Variants in POLQ observed in about 807,000 individuals in gnomAD.
The protein encoded by POLQ is epididymis secretory sperm binding protein.
POLQ carries 233 observed loss-of-function variants against 259.2 expected under a neutral mutation model. The observed-to-expected ratio is 0.90, with a 90% confidence interval of 0.81 to 1.00. The LOEUF is 1.00. Among genes scored for constraint, POLQ ranks in the 50% least tolerant of loss-of-function variants. POLQ has a pLI of 0.00. For synonymous variants in POLQ, 1,025 were observed against 1,048.8 expected (o/e 0.98, Z 0.44); for missense variants, 2,871 against 3,051.6 (o/e 0.94, Z 1.39).
At chr3:121,543,025 A>G (rs749341825) in intron 2 of POLQ, among the ~76,000 whole-genome samples, 1 of 152,120 alleles carries the variant, frequency 6.6e-6, no homozygotes, top group Non-Finnish European at 1.5e-5. Flanking sequence ...GCAGGGCAAG[A>G]TCAGAGGAAA....
chr3:121,449,556 G>T, intron 25 of POLQ, 130 bp from the exon 26 acceptor site: 1 of 673,854 alleles, frequency 1.5e-6, no homozygotes, highest in East Asian at 2.5e-5. Context: ...ATTGCTTTTG[G>T]TGGGTTACAT....
At chr3:121,496,411 G>A (rs1293123016) in intron 14 of POLQ, among the ~76,000 whole-genome samples, 4 of 151,990 alleles carry the variant, frequency 2.6e-5, no homozygotes, top group Non-Finnish European at 5.9e-5. Context: ...TCCTGACCTC[G>A]TGATCCACCC....
chr3:121,489,241 G>T lies in POLQ; in HGVS notation c.3690C>A (p.Asp1230Glu), dbSNP rs753079193. The change falls in exon 16 of 30, where the codon GAC becomes GAA. Residue 1230 changes from aspartate (D) to glutamate (E), a missense_variant. Asp to Glu is a conservative substitution (Grantham distance 45). Transcript: ENST00000264233. ...TTTCACAATTGATAGTAACATTTGA[G>T]TCTCTATTTATGTAACTACTGACTG... is the stretch of plus-strand genomic sequence containing the variant. ...CEAVSSYINRDSNVTINCERI... is the reference protein window; with the variant it reads ...CEAVSSYINRESNVTINCERI... The T allele has an allele frequency of 6.8e-6, 11 of 1,611,972 alleles. No homozygotes were observed. Among genetic ancestry groups the T allele is most frequent in the Non-Finnish European group, 8.5e-6 (10 of 1,178,890 alleles).
chr3:121,483,622 G>T, intron 17 of POLQ, 40 bp from the exon 18 acceptor site: 1 of 1,438,808 alleles, frequency 7.0e-7, no homozygotes, highest in Non-Finnish European at 9.3e-7. Context: ...CATTTTTAAG[G>T]CAAAAATTAC....
At chr3:121,513,600 CAAAAAAA>C (rs59962408) in intron 9 of POLQ, among the ~76,000 whole-genome samples, 2 of 51,572 alleles carry the variant, frequency 3.9e-5, no homozygotes, top group African/African-American at 8.6e-5. Context: ...GACTCTATCT[CAAAAAAA>C]AAAAAAAAAA....
chr3:121,529,227 A>G (rs1468911967), intron 7 of POLQ, among the ~76,000 whole-genome samples: 1 of 152,120 alleles, frequency 6.6e-6, no homozygotes, highest in Non-Finnish European at 1.5e-5. Context: ...CAACTTATAC[A>G]TATGTATGTA....
chr3:121,447,898 G>C (rs1455456662), intron 26 of POLQ, among the ~76,000 whole-genome samples: 1 of 152,158 alleles, frequency 6.6e-6, no homozygotes, highest in African/African-American at 2.4e-5. Flanking sequence ...CAGACATATT[G>C]AAGCTCCATT....
intron 24 of POLQ, among the ~76,000 whole-genome samples, chr3:121,461,777 C>T (rs2047793911): frequency 1.3e-5 from 2 of 151,900 alleles, no homozygotes; most frequent in African/African-American, 4.8e-5. Flanking sequence ...CTTATATCTG[C>T]ATAAAGAAAT....
At chr3:121,514,753 G>C (rs1036115160) in intron 9 of POLQ, among the ~76,000 whole-genome samples, 1 of 152,156 alleles carries the variant, frequency 6.6e-6, no homozygotes, top group Non-Finnish European at 1.5e-5. Flanking sequence ...GTACCTGCCA[G>C]TGGTGGTGCC....
chr3:121,540,376 T>C (rs559011642), intron 3 of POLQ, among the ~76,000 whole-genome samples: 21 of 152,340 alleles, frequency 1.4e-4, no homozygotes, highest in Non-Finnish European at 2.6e-4. Context: ...GTGGCAAAAC[T>C]GGGACTAGAA....
At chr3:121,513,329 C>T (rs763584803) in intron 9 of POLQ, among the ~76,000 whole-genome samples, 29 of 152,048 alleles carry the variant, frequency 1.9e-4, no homozygotes, top group Non-Finnish European at 2.5e-4. Context: ...AACAGCCAGG[C>T]GCGGTGGCTC....
chr3:121,502,976 A>C (rs1168740413), intron 12 of POLQ, among the ~76,000 whole-genome samples: 1 of 152,258 alleles, frequency 6.6e-6, no homozygotes, highest in Non-Finnish European at 1.5e-5. Flanking sequence ...AAAAATGTAC[A>C]AAATTAAAAT....
At chr3:121,450,226 C>A (rs1170484115) in intron 25 of POLQ, among the ~76,000 whole-genome samples, 3 of 152,078 alleles carry the variant, frequency 2.0e-5, no homozygotes, top group African/African-American at 4.8e-5. Context: ...AAAGCAAGCT[C>A]TGTATAAATA....
rs2047727457 is a variant in POLQ, at chr3:121,455,565, C to A, written c.7152+4485G>T. Among the ~76,000 whole-genome samples the A allele has an allele frequency of 2.6e-5, 4 of 151,952 alleles. No individual in the cohort carries two copies. In the South Asian group the frequency reaches 8.3e-4, roughly 32 times the overall value. ...GATAAAGGGGATATCACCACCGATC[C>A]CACAGAAATACAAACTACCATCAGA... is the stretch of plus-strand genomic sequence containing the variant. On this transcript the variant is annotated intron_variant, in intron 25 of 29. Transcript: ENST00000264233.
chr3:121,516,790 T>C (rs1413834929), intron 9 of POLQ, among the ~76,000 whole-genome samples: 1 of 152,228 alleles, frequency 6.6e-6, no homozygotes, highest in Admixed American at 6.5e-5. Flanking sequence ...TGACCAAGTA[T>C]TTAAGTCTCC....
intron 10 of POLQ, among the ~76,000 whole-genome samples, chr3:121,510,470 G>A (rs1453698241): frequency 6.6e-6 from 1 of 152,022 alleles, no homozygotes; most frequent in Non-Finnish European, 1.5e-5. Flanking sequence ...CCAGCTACTT[G>A]GGAGGCTGAG....
rs150123201 is a variant in POLQ, at chr3:121,539,466, G to T, written c.598C>A (p.Arg200Ser). ...TCCATCTTATTTTCCTCTATGAGGCGATTGATCAGACCATTGGCTCTCTCA... is the reference window on the plus strand; with the variant it reads ...TCCATCTTATTTTCCTCTATGAGGCTATTGATCAGACCATTGGCTCTCTCA... ...TIERANGLIN[R>S]LIEENKMDLL... The change falls in exon 4 of 30, where the codon CGC becomes AGC. Residue 200 changes from arginine (R) to serine (S), a missense_variant. Around this residue, in one of 3 missense-constraint regions of POLQ, gnomAD observed 783 missense variants for 906.2 expected, o/e 0.86. Coordinates refer to ENST00000264233, the MANE Select transcript of POLQ (RefSeq NM_199420.4). 1 of 1,610,286 alleles carries T rather than the reference G, an allele frequency of 6.2e-7. No homozygotes were observed. Among genetic ancestry groups the T allele is most frequent in the Non-Finnish European group, 8.5e-7 (1 of 1,178,752 alleles).
At chr3:121,453,147 T>A (rs2047695048) in intron 25 of POLQ, among the ~76,000 whole-genome samples, 1 of 152,172 alleles carries the variant, frequency 6.6e-6, no homozygotes, top group Admixed American at 6.5e-5. Flanking sequence ...AGTGGACATC[T>A]AGCAAACTCC....
In POLQ at chr3:121,467,568, T is replaced by C. The variant is rs1312868013; in HGVS notation, c.6918A>G (p.Arg2306=). The change falls in exon 24 of 30, where the codon AGA becomes AGG. Residue 2306 remains arginine (R), a synonymous_variant. Transcript: ENST00000264233. The part of the protein sequence containing the change: ...QAQMEERAAD[R]GMPFSISMRH... ...GCATGCTAATTGAAAATGGCATTCC[T>C]CTGTCTGCAGCTCTCTCCTCCATCT... is the stretch of plus-strand genomic sequence containing the variant. 1 of 1,614,018 alleles carries C rather than the reference T, an allele frequency of 6.2e-7. No individual in the cohort carries two copies. The highest frequency in any genetic ancestry group is 8.5e-7 in the Non-Finnish European group (1 of 1,179,874).
Sources: allele counts gnomAD v4.1 joint callset (sites outside exome capture counted in the v4.1 genomes callset), GRCh38; gene constraint gnomAD v4.1.1; regional missense constraint gnomAD v4.1.1; transcripts MANE v1.5; gene names NCBI Gene and HGNC (gene_info 2026-07-23, HGNC 2026-07-21).